Variants in TIAM1 observed in about 807,000 individuals in gnomAD.
The protein encoded by TIAM1 is TIAM Rac1 associated GEF 1, also known as rho guanine nucleotide exchange factor TIAM1.
Under a neutral mutation model 163.5 loss-of-function variants are expected in TIAM1, and 65 were observed. The ratio of observed to expected loss-of-function variants is 0.40; its 90% CI spans 0.33 to 0.49. The LOEUF is 0.49. TIAM1 is among the 20% of genes least tolerant of loss of function. The pLI, the probability that TIAM1 is intolerant of heterozygous loss-of-function variation, is 0.77. For missense variants in TIAM1, 1,789 were observed against 2,044.7 expected, an observed-to-expected ratio of 0.87 and a Z score of 2.41; for synonymous variants, 833 against 810.1, an observed-to-expected ratio of 1.03 and a Z score of -0.48.
intron 16 of TIAM1, among the ~76,000 whole-genome samples, chr21:31,161,783 T>A (rs758007538): frequency 1.2e-4 from 19 of 152,232 alleles, no homozygotes; most frequent in Non-Finnish European, 2.5e-4. Context: ...CAAGGCTAAA[T>A]CATGCTTCCG....
At chr21:31,200,485 A>G (rs1209143640) in intron 12 of TIAM1, among the ~76,000 whole-genome samples, 2 of 152,240 alleles carry the variant, frequency 1.3e-5, no homozygotes, top group African/African-American at 4.8e-5. Context: ...AGTTATTTTC[A>G]TATCATGTTT....
At chr21:31,386,496 G>GT (rs1489237805) in intron 2 of TIAM1, among the ~76,000 whole-genome samples, 24 of 152,180 alleles carry the variant, frequency 1.6e-4, no homozygotes, top group Admixed American at 1.3e-3. Context: ...AGCCCAAGAG[G>GT]TAAGTGGCTA....
intron 2 of TIAM1, among the ~76,000 whole-genome samples, chr21:31,279,744 G>C (rs559850119): frequency 6.6e-6 from 1 of 152,072 alleles, no homozygotes; most frequent in Non-Finnish European, 1.5e-5. Context: ...CCCTATCTCA[G>C]GATCGGTTCT....
intron 2 of TIAM1, among the ~76,000 whole-genome samples, chr21:31,291,950 C>T (rs2146918382): frequency 6.6e-6 from 1 of 152,328 alleles, no homozygotes; most frequent in Admixed American, 6.5e-5. Context: ...CCCTCTTTCT[C>T]ACCTCCTGGG....
chr21:31,433,707 T>C (rs1488779305), intron 2 of TIAM1, among the ~76,000 whole-genome samples: 1 of 152,246 alleles, frequency 6.6e-6, no homozygotes, highest in Non-Finnish European at 1.5e-5. Context: ...TCAGCGCTCA[T>C]ACACAGACAC....
Position 31,206,249 on chromosome 21 carries a change from G to A in TIAM1, c.2389-3237C>T, listed in dbSNP as rs530187223. Among the ~76,000 whole-genome samples, 5 of 152,058 alleles carry A rather than the reference G, an allele frequency of 3.3e-5. No homozygotes were observed. In the East Asian group the frequency reaches 5.8e-4, roughly 18 times the overall value. ...TGAATTATGAGCCCTTGTTAATCAC[G>A]GCTGGTCTAACATAAAAATAAAATC... is the stretch of plus-strand genomic sequence containing the variant. On this transcript the variant is annotated intron_variant, in intron 11 of 27. Coordinates refer to ENST00000541036, the MANE Select transcript of TIAM1 (RefSeq NM_001353694.2).
intron 2 of TIAM1, among the ~76,000 whole-genome samples, chr21:31,411,799 C>G (rs559556097): frequency 6.6e-6 from 1 of 152,222 alleles, no homozygotes; most frequent in Non-Finnish European, 1.5e-5. Context: ...TTTACAAAAA[C>G]AGATGACAGG....
At chr21:31,138,727 A>G (rs1414377356) in intron 22 of TIAM1, among the ~76,000 whole-genome samples, 4 of 152,174 alleles carry the variant, frequency 2.6e-5, no homozygotes, top group Non-Finnish European at 4.4e-5. Flanking sequence ...CATCCTTTCC[A>G]GTTTAAAGGC....
chr21:31,120,719 G>T lies in TIAM1; in HGVS notation c.4425C>A (p.Pro1475=), dbSNP rs768613628. The part of the protein sequence containing the change: ...SSPEKESQQP[P]GGGDTDRWVE... ...CCCATCGGTCAGTGTCCCCACCACC[G>T]GGGGGCTGCTGGGACTCTTTCTCCG... Residue 1475 remains proline, a synonymous_variant, in exon 28 of 28, where the codon CCC becomes CCA. Coordinates refer to ENST00000541036, the MANE Select transcript of TIAM1 (RefSeq NM_001353694.2). The surrounding 1 kb of genome is among the most constrained non-coding windows in gnomAD (Gnocchi z 4.2). 6.2e-7 allele frequency: 1 copy of T among 1,612,658 alleles called. No homozygotes were observed. The highest frequency in any genetic ancestry group is 1.7e-5 in the Admixed American group (1 of 59,984).
At chr21:31,179,158 G>A (rs1445484294) in intron 15 of TIAM1, among the ~76,000 whole-genome samples, 1 of 151,730 alleles carries the variant, frequency 6.6e-6, no homozygotes. Context: ...AGGCCGAGGC[G>A]GGCAGATCAC....
chr21:31,200,501 G>A (rs951193745), intron 12 of TIAM1, among the ~76,000 whole-genome samples: 15 of 152,208 alleles, frequency 9.9e-5, no homozygotes, highest in Non-Finnish European at 2.2e-4. Context: ...TGTTTTAGCT[G>A]CTGCTAGTGT....
In TIAM1 at chr21:31,442,070, A is replaced by AATAAATATATATATATATATATATATAT. The variant is rs370046459; in HGVS notation, c.-369+21912_-369+21913insATATATATATATATATATATATATTTAT. Among the ~76,000 whole-genome samples, 87 of 53,180 alleles carry AATAAATATATATATATATATATATATAT rather than the reference A, an allele frequency of 1.6e-3. 2 individuals are homozygous for AATAAATATATATATATATATATATATAT. The highest frequency in any genetic ancestry group is 5.1e-3 in the African/African-American group (76 of 14,836). The allele number at this position is 53,180 out of a possible 152,430, so 34.9% of individuals were successfully genotyped here. A position where few individuals can be genotyped will look rare whatever the true frequency, so the allele number is the denominator to read the frequency against. ...GACCCTATCTCAGAACAAATAAATAAATATATATATATATATAGAACAATA... is the reference window on the plus strand; with the variant it reads ...GACCCTATCTCAGAACAAATAAATAAATAAATATATATATATATATATATATATATATATATATATATATAGAACAATA... On this transcript the variant is annotated intron_variant, in intron 2 of 28. Coordinates refer to the TIAM1 transcript ENST00000286827.
chr21:31,286,483 A>C (rs1429108955), intron 2 of TIAM1, among the ~76,000 whole-genome samples: 1 of 152,136 alleles, frequency 6.6e-6, no homozygotes, highest in East Asian at 1.9e-4. Flanking sequence ...CGAAACAGGA[A>C]GATCACTTGA....
At chr21:31,243,212 AT>A (rs2071307769) in intron 6 of TIAM1, among the ~76,000 whole-genome samples, 6 of 131,670 alleles carry the variant, frequency 4.6e-5, no homozygotes, top group Non-Finnish European at 6.6e-5. Context: ...AAAAAAAAAT[AT>A]ATATATATAT....
At chr21:31,373,008 T>C (rs1366729251) in intron 2 of TIAM1, among the ~76,000 whole-genome samples, 1 of 143,712 alleles carries the variant, frequency 7.0e-6, no homozygotes, top group Non-Finnish European at 1.5e-5. Flanking sequence ...TGAGCCGAGA[T>C]TGCACCATTG....
chr21:31,546,187 TAAAAAAA>T (rs11331323), intron 1 of TIAM1, among the ~76,000 whole-genome samples: 1 of 144,830 alleles, frequency 6.9e-6, no homozygotes, highest in Non-Finnish European at 1.5e-5. Flanking sequence ...ATTTGTAATT[TAAAAAAA>T]AAAAAAAACT....
At chr21:31,227,659 G>A (rs1252328642) in intron 6 of TIAM1, among the ~76,000 whole-genome samples, 1 of 152,106 alleles carries the variant, frequency 6.6e-6, no homozygotes, top group Non-Finnish European at 1.5e-5. Context: ...AAACTTAGGA[G>A]GAAAAATGCA....
intron 2 of TIAM1, among the ~76,000 whole-genome samples, chr21:31,307,040 GTC>G (rs67344451): frequency 0.23 from 35,476 of 151,908 alleles, 4,539 homozygotes; most frequent in East Asian, 0.46. Context: ...AGAAGTTTGT[GTC>G]AATTTCAAAA....
At chr21:31,472,330 C>A (rs766489804) in intron 1 of TIAM1, among the ~76,000 whole-genome samples, 1 of 152,014 alleles carries the variant, frequency 6.6e-6, no homozygotes, top group South Asian at 2.1e-4. Flanking sequence ...AGTTTGAGAC[C>A]GGCCTGGCCA....
Sources: allele counts gnomAD v4.1 joint callset (sites outside exome capture counted in the v4.1 genomes callset), GRCh38; gene constraint gnomAD v4.1.1; non-coding constraint Gnocchi (gnomAD v3.1); transcripts MANE v1.5; gene names NCBI Gene and HGNC (gene_info 2026-07-23, HGNC 2026-07-21).